The following SHTN1 variants were observed in gnomAD, a reference collection of about 807,000 sequenced individuals.
SHTN1 encodes the protein shootin-1.
A neutral mutation model predicts 83.1 loss-of-function variants in SHTN1; 42 were observed. That is an observed-to-expected ratio of 0.51 (90% CI 0.39 to 0.65). The LOEUF (loss-of-function observed/expected upper bound fraction) is 0.65, where lower values mean the gene tolerates loss of function less well. Among genes scored for constraint, SHTN1 ranks in the 30% least tolerant of loss-of-function variants. The pLI, the probability that SHTN1 is intolerant of heterozygous loss-of-function variation, is 0.00. For missense variants in SHTN1, 622 were observed against 737.8 expected (o/e 0.84, Z 1.82); for synonymous variants, 224 against 247.7 (o/e 0.90, Z 0.90).
At chr10:116,909,737 G>C (rs1160922563) in intron 14 of SHTN1, among the ~76,000 whole-genome samples, 1 of 152,136 alleles carries the variant, frequency 6.6e-6, no homozygotes, top group Non-Finnish European at 1.5e-5. Context: ...CCAGAGACTT[G>C]TTTTCTACCT....
At chr10:117,050,608 C>A (rs1016362551) in intron 1 of SHTN1, among the ~76,000 whole-genome samples, 1 of 151,196 alleles carries the variant, frequency 6.6e-6, no homozygotes, top group Admixed American at 6.6e-5. Context: ...TAAATGAAAT[C>A]GACAATTAGA....
chr10:116,971,614 C>T (rs1303865624), intron 2 of SHTN1, among the ~76,000 whole-genome samples: 1 of 152,162 alleles, frequency 6.6e-6, no homozygotes, highest in Non-Finnish European at 1.5e-5. Context: ...CAATAATGCA[C>T]AGTGTAGCAT....
chr10:116,960,299 C>G (rs1035748293), intron 3 of SHTN1, 69 bp from the exon 4 acceptor site: 2 of 850,894 alleles, frequency 2.4e-6, no homozygotes, highest in Non-Finnish European at 4.0e-6. Context: ...GCCCACGCAT[C>G]GTCCCATGAT....
chr10:117,007,689 A>G (rs1251511185), upstream of SHTN1, among the ~76,000 whole-genome samples: 1 of 151,112 alleles, frequency 6.6e-6, no homozygotes, highest in East Asian at 1.9e-4. Context: ...TTGTTTATTT[A>G]TATGATATGA....
At chr10:116,992,458 C>A (rs1851472464) in intron 1 of SHTN1, among the ~76,000 whole-genome samples, 1 of 152,180 alleles carries the variant, frequency 6.6e-6, no homozygotes, top group African/African-American at 2.4e-5. Context: ...TCTCAGGATG[C>A]CAGCAAATGC....
rs7094554 is a variant in SHTN1, at chr10:116,964,132, G to A, written c.173-3902C>T. On this transcript the variant is annotated intron_variant, in intron 3 of 16. Transcript: ENST00000355371. ...TTTGAAGGACTGAAGGCCTAAGCTC[G>A]CCTGTGAACAGCCTTTTATGAGAAT... Among the ~76,000 whole-genome samples the A allele has an allele frequency of 6.1e-3, 932 of 152,234 alleles. 13 individuals are homozygous for A. Among genetic ancestry groups the A allele is most frequent in the African/African-American group, 0.022 (900 of 41,534 alleles).
Position 116,948,997 on chromosome 10 carries a change from C to A in SHTN1, c.535G>T (p.Val179Leu). 1 of 1,548,362 alleles carries A rather than the reference C, an allele frequency of 6.5e-7. No homozygotes were observed. The highest frequency in any genetic ancestry group is 8.7e-7 in the Non-Finnish European group (1 of 1,147,946). ...GTCTTTTCTTGTTTAACTTTATTTA[C>A]CTAAAAATGTGAAATTTTGAGGGGA... ...KSKLVEVIEE[V>L]NKVKQEKTVL... The change falls in exon 7 of 17, where the codon GTA becomes TTA. Residue 179 changes from valine (V) to leucine (L), a missense_variant and splice_region_variant. Val to Leu is a conservative substitution (Grantham distance 32). This residue lies in a region of SHTN1 where 383 missense variants were observed against 455.8 expected (regional missense o/e 0.84). Coordinates refer to ENST00000355371, the MANE Select transcript of SHTN1 (RefSeq NM_001127211.3).
At chr10:116,956,675 C>A (rs1849989026) in intron 4 of SHTN1, among the ~76,000 whole-genome samples, 1 of 152,124 alleles carries the variant, frequency 6.6e-6, no homozygotes, top group African/African-American at 2.4e-5. Flanking sequence ...ACTTCTTAGA[C>A]AACCACTACA....
chr10:117,109,484 T>C (rs867310104), intron 1 of SHTN1, among the ~76,000 whole-genome samples: 2 of 151,732 alleles, frequency 1.3e-5, no homozygotes, highest in African/African-American at 4.8e-5. Context: ...AGTTGGGAGA[T>C]TGTTAGTGAT....
chr10:117,071,914 C>T (rs770642867), intron 1 of SHTN1, among the ~76,000 whole-genome samples: 5 of 152,158 alleles, frequency 3.3e-5, no homozygotes, highest in Admixed American at 6.5e-5. Context: ...AATTCAAATT[C>T]CTGTGGTTTT....
chr10:117,104,470 G>A (rs947827425), intron 1 of SHTN1, among the ~76,000 whole-genome samples: 3 of 152,160 alleles, frequency 2.0e-5, no homozygotes, highest in African/African-American at 7.2e-5. Context: ...TGCATTCCAG[G>A]ACAGAAATAG....
chr10:117,016,203 A>G (rs1852177847), intron 2 of SHTN1, among the ~76,000 whole-genome samples: 1 of 152,200 alleles, frequency 6.6e-6, no homozygotes, highest in African/African-American at 2.4e-5. Flanking sequence ...AAGAATAGCA[A>G]AACATAACCT....
chr10:117,126,143 C>A (rs962281568), intron 1 of SHTN1, among the ~76,000 whole-genome samples: 1 of 152,178 alleles, frequency 6.6e-6, no homozygotes, highest in African/African-American at 2.4e-5. Flanking sequence ...GACGTCACTT[C>A]CCGCCGCTCC....
intron 2 of SHTN1, among the ~76,000 whole-genome samples, chr10:117,038,812 G>C (rs1454490645): frequency 6.6e-6 from 1 of 152,176 alleles, no homozygotes; most frequent in African/African-American, 2.4e-5. Context: ...ACCTGTTTTA[G>C]AATGGCCAAA....
intron 8 of SHTN1, 85 bp from the exon 9 acceptor site, chr10:116,940,697 G>T: frequency 4.4e-6 from 5 of 1,129,322 alleles, no homozygotes; most frequent in Admixed American, 2.9e-5. Context: ...AAAAGTACAT[G>T]GAATTTTTAT....
chr10:116,941,608 C>T (rs978267625), intron 8 of SHTN1, among the ~76,000 whole-genome samples: 5 of 152,156 alleles, frequency 3.3e-5, no homozygotes, highest in Non-Finnish European at 5.9e-5. Context: ...TAACTGAAAG[C>T]TCTGAACTGC....
At chr10:117,036,176 C>T (rs572995939) in intron 2 of SHTN1, among the ~76,000 whole-genome samples, 70 of 152,126 alleles carry the variant, frequency 4.6e-4, no homozygotes, top group Non-Finnish European at 8.2e-4. Flanking sequence ...AACCCTCATA[C>T]ACTGCTGGGG....
chr10:117,043,171 T>C, intron 2 of SHTN1, among the ~76,000 whole-genome samples: 1 of 151,408 alleles, frequency 6.6e-6, no homozygotes, highest in Non-Finnish European at 1.5e-5. Flanking sequence ...TCTCGCTCTG[T>C]CGCCCAGGCT....
chr10:116,994,947 G>A lies in SHTN1; in HGVS notation c.58+10075C>T, dbSNP rs185444692. Among the ~76,000 whole-genome samples, 15 of 152,126 alleles carry A rather than the reference G, an allele frequency of 9.9e-5. 1 individual carries two copies. Among genetic ancestry groups the A allele is most frequent in the Admixed American group, 9.8e-4 (15 of 15,278 alleles). ...AATAACATGTAATGCTAACCTTTGA[G>A]TTATTATTTGTATGAATGTTATTAA... On this transcript the variant is annotated intron_variant, in intron 1 of 16. Coordinates refer to ENST00000355371, the MANE Select transcript of SHTN1 (RefSeq NM_001127211.3).
Sources: gnomAD v4.1 joint callset for allele counts (sites outside exome capture counted in the v4.1 genomes callset) on GRCh38, gnomAD v4.1.1 for gene constraint, gnomAD v4.1.1 regional missense constraint, MANE v1.5 for transcripts, NCBI Gene and HGNC (gene_info 2026-07-23, HGNC 2026-07-21) for gene names.